Variants in MSH4 observed in about 807,000 individuals in gnomAD.
MSH4 encodes the protein mutS homolog 4.
Under a neutral mutation model 113.7 loss-of-function variants are expected in MSH4, and 106 were observed. That is an observed-to-expected ratio of 0.93 (90% CI 0.80 to 1.10). The LOEUF (loss-of-function observed/expected upper bound fraction) is 1.10, where lower values mean the gene tolerates loss of function less well. MSH4 is among the 50% of genes least tolerant of loss of function. The pLI is 0.00. For synonymous variants in MSH4, 368 were observed against 380.2 expected (o/e 0.97, Z 0.37); for missense variants, 1,061 against 1,093.7 (o/e 0.97, Z 0.42).
Position 75,879,024 on chromosome 1 carries a change from C to T in MSH4, c.1573C>T (p.Leu525=). Residue 525 remains leucine, a synonymous_variant, in exon 12 of 20, where the codon CTA becomes TTA. Transcript: ENST00000263187. ...MISQLGEKYS[L]PLRTSFSSAR... ...ATCACAACTTGGAGAAAAATATAGT[C>T]TACCTTTAAGGACAAGTTTTAGCTC... 6.2e-7 allele frequency: 1 copy of T among 1,610,404 alleles called. No individual in the cohort carries two copies. Among genetic ancestry groups the T allele is most frequent in the Non-Finnish European group, 8.5e-7 (1 of 1,176,956 alleles).
At position 75,867,597 on chromosome 1, in the gene MSH4, T is replaced by C; in HGVS notation, c.1305+9T>C. On this transcript the variant is annotated intron_variant, in intron 9 of 19. Transcript: ENST00000263187. ...TTGTGGATCCTTTAAAGGTAATTTATGTGTGTGTATCGTACAAAACATGTC... is the reference window on the plus strand; with the variant it reads ...TTGTGGATCCTTTAAAGGTAATTTACGTGTGTGTATCGTACAAAACATGTC... 6.6e-7 allele frequency: 1 copy of C among 1,512,060 alleles called. No individual in the cohort carries two copies. The highest frequency in any genetic ancestry group is 9.1e-7 in the Non-Finnish European group (1 of 1,103,086). 93.7% of individuals were successfully genotyped at this position (1,512,060 alleles called of 1,614,324 possible).
chr1:75,842,151 C>A (rs1169714555), intron 7 of MSH4, among the ~76,000 whole-genome samples: 1 of 152,260 alleles, frequency 6.6e-6, no homozygotes, highest in Middle Eastern at 3.4e-3. Context: ...GACTTCCAGA[C>A]TGTAGGTAAA....
intron 6 of MSH4, among the ~76,000 whole-genome samples, chr1:75,820,755 C>A (rs984991396): frequency 6.6e-6 from 1 of 151,882 alleles, no homozygotes; most frequent in Non-Finnish European, 1.5e-5. Flanking sequence ...TTTTGTTTAT[C>A]TTTTCAAAAA....
At position 75,886,464 on chromosome 1, in the gene MSH4, A is replaced by ATATGATG. The variant is rs1439861188; in HGVS notation, c.2107+2646_2107+2647insGATGTAT. 2.1e-3 allele frequency among the ~76,000 whole-genome samples: 211 copies of ATATGATG among 100,818 alleles called. 70 individuals carry two copies. Among genetic ancestry groups the ATATGATG allele is most frequent in the African/African-American group, 4.6e-3 (109 of 23,668 alleles). The allele number at this position is 100,818 out of a possible 152,430, so 66.1% of individuals were successfully genotyped here. On this transcript the variant is annotated intron_variant, in intron 15 of 19. Coordinates refer to ENST00000263187, the MANE Select transcript of MSH4 (RefSeq NM_002440.4). ...ATATATAATATATATGATGTATTAT[A>ATATGATG]TATTATATATAATATATATGATGTA...
At chr1:75,818,787 G>A (rs1186410562) in intron 6 of MSH4, among the ~76,000 whole-genome samples, 1 of 151,880 alleles carries the variant, frequency 6.6e-6, no homozygotes, top group Non-Finnish European at 1.5e-5. Flanking sequence ...TTTTGAGATG[G>A]AGTCTCACTC....
intron 4 of MSH4, among the ~76,000 whole-genome samples, chr1:75,812,719 G>A (rs1650215604): frequency 6.6e-6 from 1 of 151,990 alleles, no homozygotes; most frequent in Non-Finnish European, 1.5e-5. Flanking sequence ...AAAAATCTGG[G>A]TTTGCTAACT....
At chr1:75,889,600 A>C (rs915830770) in intron 16 of MSH4, among the ~76,000 whole-genome samples, 1 of 152,184 alleles carries the variant, frequency 6.6e-6, no homozygotes, top group African/African-American at 2.4e-5. Flanking sequence ...ATTAAGTAAT[A>C]AAAGTGTGCC....
At chr1:75,855,940 T>C (rs142440590) in intron 8 of MSH4, among the ~76,000 whole-genome samples, 93 of 152,344 alleles carry the variant, frequency 6.1e-4, no homozygotes, top group African/African-American at 2.1e-3. Context: ...AATCTCTTTA[T>C]TGTCAATTTA....
rs1416989269 is a variant in MSH4 at position 75,846,570 on chromosome 1, T to G, written c.1163-1639T>G. Among the ~76,000 whole-genome samples the G allele has an allele frequency of 2.6e-5, 4 of 152,230 alleles. No individual in the cohort carries two copies. In the East Asian group the frequency reaches 7.7e-4, roughly 29 times the overall value. On this transcript the variant is annotated intron_variant, in intron 7 of 19. Transcript: ENST00000263187. ...CTTTTCAACTGTAACAAGGATGGCC[T>G]TTACTCCAGTTTCCAAGATTTTGTT... is the stretch of plus-strand genomic sequence containing the variant.
intron 19 of MSH4, among the ~76,000 whole-genome samples, chr1:75,906,902 T>G (rs1652671074): frequency 6.6e-6 from 1 of 151,212 alleles, no homozygotes; most frequent in Non-Finnish European, 1.5e-5. Flanking sequence ...GGCGCGATCT[T>G]GGCTCACTGC....
At chr1:75,874,326 T>C (rs1651771932) in intron 9 of MSH4, among the ~76,000 whole-genome samples, 1 of 152,146 alleles carries the variant, frequency 6.6e-6, no homozygotes, top group African/African-American at 2.4e-5. Context: ...AACAGAAGCA[T>C]AGATGTGGAA....
At chr1:75,831,125 C>T (rs886775640) in intron 7 of MSH4, among the ~76,000 whole-genome samples, 1 of 152,112 alleles carries the variant, frequency 6.6e-6, no homozygotes, top group African/African-American at 2.4e-5. Context: ...ACAAAAAAAG[C>T]AGGGGTTGCA....
intron 6 of MSH4, among the ~76,000 whole-genome samples, chr1:75,817,817 A>T (rs1350391600): frequency 6.6e-6 from 1 of 151,802 alleles, no homozygotes; most frequent in African/African-American, 2.4e-5. Flanking sequence ...TGTACATGTG[A>T]TGGGAGACAC....
At chr1:75,892,384 C>A (rs1652274960) in intron 17 of MSH4, among the ~76,000 whole-genome samples, 1 of 151,328 alleles carries the variant, frequency 6.6e-6, no homozygotes, top group African/African-American at 2.4e-5. Context: ...CACACTCTCT[C>A]TCTCTCTCTC....
chr1:75,857,626 C>T (rs1023775794), intron 8 of MSH4, among the ~76,000 whole-genome samples: 5 of 152,000 alleles, frequency 3.3e-5, no homozygotes, highest in African/African-American at 9.7e-5. Flanking sequence ...CTGAGGCCTC[C>T]GTTCTGTTCC....
chr1:75,883,637 T>G lies in MSH4; in HGVS notation c.1923T>G (p.Thr641=). The G allele has an allele frequency of 6.2e-7, 1 of 1,611,658 alleles. No individual in the cohort carries two copies. ...TLSDYVRPEF[T]DTLAIKQGWH... Reference sequence around the variant, plus strand: ...TTTCTTAAGTTCGACCAGAATTTACTGATACTTTAGCAATCAAACAGGGAT... The same window carrying G: ...TTTCTTAAGTTCGACCAGAATTTACGGATACTTTAGCAATCAAACAGGGAT... The change falls in exon 15 of 20, where the codon ACT becomes ACG. Residue 641 remains threonine (T), a synonymous_variant. Transcript: ENST00000263187.
chr1:75,809,414 C>T (rs192579080), intron 3 of MSH4, among the ~76,000 whole-genome samples: 7 of 151,722 alleles, frequency 4.6e-5, no homozygotes, highest in East Asian at 1.9e-4. Context: ...GTATTTTATA[C>T]ATTTTTACAA....
intron 17 of MSH4, among the ~76,000 whole-genome samples, chr1:75,896,699 A>G (rs1197264296): frequency 6.6e-6 from 1 of 152,164 alleles, no homozygotes; most frequent in Middle Eastern, 3.2e-3. Flanking sequence ...CTAACACAGT[A>G]TCCTTAGTGC....
chr1:75,863,461 G>T (rs1651503035), intron 8 of MSH4, among the ~76,000 whole-genome samples: 1 of 151,808 alleles, frequency 6.6e-6, no homozygotes, highest in African/African-American at 2.4e-5. Flanking sequence ...AATATAAAAT[G>T]GCTTTTTTTG....
Sources: gnomAD v4.1 joint callset for allele counts (sites outside exome capture counted in the v4.1 genomes callset) on GRCh38, gnomAD v4.1.1 for gene constraint, MANE v1.5 for transcripts, NCBI Gene and HGNC (gene_info 2026-07-23, HGNC 2026-07-21) for gene names.